Variants in ANK2 observed in about 807,000 individuals in gnomAD.
The protein encoded by ANK2 is ankyrin 2.
In ANK2, 83 loss-of-function variants were observed where a neutral mutation model predicts 360.5. The ratio of observed to expected loss-of-function variants is 0.23; its 90% confidence interval spans 0.19 to 0.28. ANK2 has a LOEUF of 0.28. Ranked by LOEUF, ANK2 falls within the 10% of genes least tolerant of loss-of-function variation. The pLI, the probability that ANK2 is intolerant of heterozygous loss-of-function variation, is 1.00. For missense variants in ANK2, 4,201 were observed against 4,795.7 expected (o/e 0.88, Z 3.66); for synonymous variants, 1,740 against 1,759.5 (o/e 0.99, Z 0.28).
At chr4:113,054,295 C>T (rs1329545879) in intron 1 of ANK2, among the ~76,000 whole-genome samples, 1 of 150,104 alleles carries the variant, frequency 6.7e-6, no homozygotes, top group Non-Finnish European at 1.5e-5. Context: ...CTAAGATATT[C>T]ATAAGCATTG....
intron 1 of ANK2, among the ~76,000 whole-genome samples, chr4:113,102,324 G>T (rs1289430432): frequency 2.6e-5 from 4 of 152,072 alleles, no homozygotes; most frequent in Non-Finnish European, 4.4e-5. Flanking sequence ...AGATGGGGAA[G>T]CCTGGAGAAA....
intron 4 of ANK2, among the ~76,000 whole-genome samples, chr4:113,204,041 G>A (rs1005205161): frequency 1.3e-5 from 2 of 151,850 alleles, no homozygotes; most frequent in African/African-American, 2.4e-5. Flanking sequence ...TACCACCAAG[G>A]AAATCTGGCT....
At chr4:113,305,339 C>CAACA (rs1193708152) in intron 23 of ANK2, among the ~76,000 whole-genome samples, 1 of 96,994 alleles carries the variant, frequency 1.0e-5, no homozygotes, top group African/African-American at 4.2e-5. Flanking sequence ...GACTCCGTCT[C>CAACA]AAAAAAAAAA....
chr4:113,256,821 T>C lies in ANK2; in HGVS notation c.1188+889T>C, dbSNP rs572339685. Among the ~76,000 whole-genome samples, 3 of 152,364 alleles carry C rather than the reference T, an allele frequency of 2.0e-5. No individual in the cohort carries two copies. The South Asian group carries it at 6.2e-4, about 32-fold the overall frequency. Reference sequence around the variant, plus strand: ...TTTTCCATTGGAATCAATTTATTGATAATTACGTGGGAAGTGAATATATTT... The same window carrying C: ...TTTTCCATTGGAATCAATTTATTGACAATTACGTGGGAAGTGAATATATTT... On this transcript the variant is annotated intron_variant, in intron 11 of 45. Coordinates refer to ENST00000357077, the MANE Select transcript of ANK2 (RefSeq NM_001148.6).
At chr4:113,206,508 T>C (rs1320480303) in intron 4 of ANK2, among the ~76,000 whole-genome samples, 3 of 152,142 alleles carry the variant, frequency 2.0e-5, no homozygotes, top group African/African-American at 7.2e-5. Flanking sequence ...TATTACTATC[T>C]GTAATACAAA....
At chr4:113,222,626 G>A (rs187677833) in intron 4 of ANK2, among the ~76,000 whole-genome samples, 1 of 152,172 alleles carries the variant, frequency 6.6e-6, no homozygotes, top group Non-Finnish European at 1.5e-5. Flanking sequence ...TCACCACTTG[G>A]TGTCTCCTTG....
chr4:113,091,954 G>A (rs1237589722), intron 1 of ANK2, among the ~76,000 whole-genome samples: 1 of 152,116 alleles, frequency 6.6e-6, no homozygotes, highest in African/African-American at 2.4e-5. Flanking sequence ...GGGCTTTGGG[G>A]ACATTCTGTA....
Position 113,339,283 on chromosome 4 carries a change from T to C in ANK2, c.3854T>C (p.Val1285Ala), listed in dbSNP as rs779029836. Residue 1285 changes from valine to alanine, a missense_variant, in exon 32 of 46, where the codon GTC becomes GCC. Transcript: ENST00000357077. ...DITGTTPLTFVNECVSFTTNV... is the reference protein window; with the variant it reads ...DITGTTPLTFANECVSFTTNV... ...ACAGGAACTACGCCATTAACATTTGTCAATGAATGTGTTTCCTTTACAACA... is the reference window on the plus strand; with the variant it reads ...ACAGGAACTACGCCATTAACATTTGCCAATGAATGTGTTTCCTTTACAACA... 2 of 1,614,110 alleles carry C rather than the reference T, an allele frequency of 1.2e-6. No individual in the cohort carries two copies. Among genetic ancestry groups the C allele is most frequent in the South Asian group, 1.1e-5 (1 of 91,088 alleles).
intron 1 of ANK2, among the ~76,000 whole-genome samples, chr4:113,102,773 A>T (rs1229360495): frequency 6.6e-6 from 1 of 152,146 alleles, no homozygotes. Context: ...GATATTTCCT[A>T]GTATCTTAAT....
intron 1 of ANK2, among the ~76,000 whole-genome samples, chr4:113,107,732 T>C (rs1037515863): frequency 4.6e-5 from 7 of 152,230 alleles, no homozygotes; most frequent in Non-Finnish European, 1.0e-4. Context: ...ATAATCATAG[T>C]AGTATCATTT....
intron 2 of ANK2, among the ~76,000 whole-genome samples, chr4:113,040,922 T>A (rs534170691): frequency 2.0e-5 from 3 of 152,196 alleles, no homozygotes; most frequent in East Asian, 3.9e-4. Context: ...CATGTGAGAC[T>A]TTTGTGATGA....
chr4:113,380,979 T>C (rs1340731262), intron 45 of ANK2, among the ~76,000 whole-genome samples: 4 of 152,124 alleles, frequency 2.6e-5, no homozygotes, highest in African/African-American at 7.2e-5. Context: ...AACATAATTT[T>C]GGGAAGTTTG....
the ANK2 span, among the ~76,000 whole-genome samples, chr4:112,754,111 G>GTATATATATATATATA: frequency 3.0e-4 from 33 of 111,438 alleles, no homozygotes; most frequent in African/African-American, 6.8e-4. Context: ...AAAAAAAAAA[G>GTATATATATATATATA]TATATATATA....
intron 1 of ANK2, among the ~76,000 whole-genome samples, chr4:113,104,336 TA>T (rs2093350854): frequency 2.0e-5 from 3 of 152,212 alleles, no homozygotes; most frequent in Non-Finnish European, 4.4e-5. Context: ...TAAAACCTTC[TA>T]AAAAACCTTA....
chr4:113,043,791 C>T (rs2063562749), intron 2 of ANK2, among the ~76,000 whole-genome samples: 1 of 152,106 alleles, frequency 6.6e-6, no homozygotes, highest in Admixed American at 6.6e-5. Context: ...ATGGTCAGAA[C>T]AATGACTTTT....
At position 112,968,240 on chromosome 4, in the gene ANK2, A is replaced by G. The variant is rs368003965; in HGVS notation, c.21+63726A>G. 1.1e-4 allele frequency among the ~76,000 whole-genome samples: 16 copies of G among 152,346 alleles called. No homozygotes were observed. The East Asian group carries it at 2.3e-3, about 22-fold the overall frequency. ...TTCAAAGAGGTGGTGGTACCGCTGA[A>G]TAATGTTCAGATGCATTGATCTTCG... On this transcript the variant is annotated intron_variant, in intron 2 of 30. Transcript: ENST00000503271.
intron 2 of ANK2, among the ~76,000 whole-genome samples, chr4:113,186,331 A>G (rs2098522160): frequency 1.3e-5 from 2 of 152,206 alleles, no homozygotes; most frequent in South Asian, 4.1e-4. Flanking sequence ...AAGGAAAACT[A>G]ACAAACAGAA....
At chr4:112,860,435 C>A (rs1036282593) in intron 1 of ANK2, among the ~76,000 whole-genome samples, 2 of 152,040 alleles carry the variant, frequency 1.3e-5, no homozygotes, top group African/African-American at 4.8e-5. Context: ...CCATGTTGGT[C>A]AGGCTGGTCT....
chr4:113,260,989 G>A (rs2153644385), intron 13 of ANK2, among the ~76,000 whole-genome samples: 1 of 152,290 alleles, frequency 6.6e-6, no homozygotes, highest in South Asian at 2.1e-4. Flanking sequence ...GTGCTTCGAT[G>A]CTTTTCAACT....
Sources: gnomAD v4.1 joint callset for allele counts (sites outside exome capture counted in the v4.1 genomes callset) on GRCh38, gnomAD v4.1.1 for gene constraint, MANE v1.5 for transcripts, NCBI Gene and HGNC (gene_info 2026-07-23, HGNC 2026-07-21) for gene names.